OLIG2: variants seen among roughly 807,000 people sequenced by gnomAD.
The protein encoded by OLIG2 is oligodendrocyte transcription factor 2.
A neutral mutation model predicts 13.4 loss-of-function variants in OLIG2; 12 were observed. The observed-to-expected ratio is 0.90, with a 90% CI of 0.58 to 1.46. The LOEUF (loss-of-function observed/expected upper bound fraction) is 1.46, where lower values mean the gene tolerates loss of function less well. Ranked by LOEUF, OLIG2 falls within the 40% of genes most tolerant of loss-of-function variation. OLIG2 has a pLI of 0.00. For missense variants in OLIG2, 415 were observed against 487.9 expected (o/e 0.85, Z 1.41); for synonymous variants, 250 against 233.6 (o/e 1.07, Z -0.64).
Position 33,026,651 on chromosome 21 carries a change from G to C in OLIG2, c.-62-150G>C. On this transcript the variant is annotated intron_variant, in intron 1 of 1. Coordinates refer to ENST00000382357, the MANE Select transcript of OLIG2 (RefSeq NM_005806.4). The surrounding 1 kb of genome is among the most constrained non-coding windows in gnomAD (Gnocchi z 6.6). ...GGCCAGAGATAGTAGCGAGGGGGACGAGGAGCCACGGGCCACCTGTGCCGG... is the reference window on the plus strand; with the variant it reads ...GGCCAGAGATAGTAGCGAGGGGGACCAGGAGCCACGGGCCACCTGTGCCGG... The C allele has an allele frequency of 1.6e-6, 1 of 611,812 alleles. No individual in the cohort carries two copies. The highest frequency in any genetic ancestry group is 1.9e-5 in the African/African-American group (1 of 53,992). 37.9% of individuals were successfully genotyped at this position (611,812 alleles called of 1,614,324 possible).
chr21:33,027,233 T>G lies in OLIG2; in HGVS notation c.371T>G (p.Leu124Arg), dbSNP rs764687311. 1 of 1,610,780 alleles carries G rather than the reference T, an allele frequency of 6.2e-7. No individual in the cohort carries two copies. The highest frequency in any genetic ancestry group is 1.7e-5 in the Admixed American group (1 of 59,724). Reference sequence around the variant, plus strand: ...CGCGAGCGCAAGCGCATGCACGACCTCAACATCGCCATGGATGGCCTCCGC... The same window carrying G: ...CGCGAGCGCAAGCGCATGCACGACCGCAACATCGCCATGGATGGCCTCCGC... ...NSRERKRMHD[L>R]NIAMDGLREV... The change falls in exon 2 of 2, where the codon CTC becomes CGC. Residue 124 changes from leucine to arginine, a missense_variant. Around this residue, in one of 3 missense-constraint regions of OLIG2, gnomAD observed 50 missense variants for 119.9 expected, o/e 0.42. Coordinates refer to ENST00000382357, the MANE Select transcript of OLIG2 (RefSeq NM_005806.4).
rs777162613 is a variant in OLIG2, at chr21:33,027,450, G to A, written c.588G>A (p.Ala196=). 1.0e-5 allele frequency: 15 copies of A among 1,495,866 alleles called. No homozygotes were observed. Among genetic ancestry groups the A allele is most frequent in the African/African-American group, 2.9e-5 (2 of 69,070 alleles). The allele number at this position is 1,495,866 out of a possible 1,614,324, so 92.7% of individuals were successfully genotyped here. The change falls in exon 2 of 2, where the codon GCG becomes GCA. Residue 196 remains alanine (A), a synonymous_variant. Coordinates refer to ENST00000382357, the MANE Select transcript of OLIG2 (RefSeq NM_005806.4). ...PSACGGLAHS[A]PLPAATAHPA... ...CCTGCGGCGGCCTGGCGCACTCCGC[G>A]CCCCTGCCCGCCGCCACCGCGCACC...
At position 33,026,935 on chromosome 21, in the gene OLIG2, CG is replaced by C; in HGVS notation, c.75del (p.Ser26ValfsTer26). The C allele has an allele frequency of 1.2e-6, 2 of 1,612,424 alleles. No individual in the cohort carries two copies. The highest frequency in any genetic ancestry group is 1.7e-6 in the Non-Finnish European group (2 of 1,179,958). Reference sequence around the variant, plus strand: ...GCCCGATGACCTTTTTCTGCCGGCCCGGAGTAAGGGCAGCAGCGGCAGCGCC... The same window carrying C: ...GCCCGATGACCTTTTTCTGCCGGCCCGAGTAAGGGCAGCAGCGGCAGCGCC... ...PEPDDLFLPA[R>X]SKGSSGSAFT... On this transcript the variant is annotated frameshift_variant, in exon 2 of 2. Transcript: ENST00000382357. LOFTEE classifies it high-confidence loss of function. This position sits in a 1 kb window ranked among gnomAD's most constrained non-coding sequence, Gnocchi z 6.6.
At position 33,027,893 on chromosome 21, in the gene OLIG2, G is replaced by T. The variant is rs758090642; in HGVS notation, c.*59G>T. The T allele has an allele frequency of 1.6e-3, 2,215 of 1,344,886 alleles. 4 individuals carry two copies. The highest frequency in any genetic ancestry group is 1.9e-3 in the Non-Finnish European group (1,988 of 1,051,204). The allele number at this position is 1,344,886 out of a possible 1,614,324, so 83.3% of individuals were successfully genotyped here. ...GAGCCAGGGGCCGCGGGGAAGCGAG[G>T]ACTGGCCTGCGCTGGGCTCGGGAGC... On this transcript the variant is annotated 3_prime_UTR_variant, in exon 2 of 2. Coordinates refer to ENST00000382357, the MANE Select transcript of OLIG2 (RefSeq NM_005806.4).
rs560231654 is a variant in OLIG2, at chr21:33,028,965, C to A, written c.*1131C>A. 8.2e-6 allele frequency: 2 copies of A among 242,790 alleles called. No individual in the cohort carries two copies. The highest frequency in any genetic ancestry group is 5.7e-5 in the Admixed American group (1 of 17,568). 15.0% of individuals were successfully genotyped at this position (242,790 alleles called of 1,614,324 possible). On this transcript the variant is annotated 3_prime_UTR_variant, in exon 2 of 2. Transcript: ENST00000382357. ...TTAACACAAATGGTAAACTCCTCCA[C>A]GTGCTTCCTGCGTTCCGTGCAAGCC... is the stretch of plus-strand genomic sequence containing the variant.
At position 33,027,256 on chromosome 21, in the gene OLIG2, C is replaced by A. The variant is rs750642270; in HGVS notation, c.394C>A (p.Arg132Ser). The change falls in exon 2 of 2, where the codon CGC (arginine) becomes AGC (serine). Residue 132 changes from arginine (R) to serine (S), a missense_variant. Physicochemically the swap from Arg to Ser is moderately radical, Grantham distance 110. Coordinates refer to ENST00000382357, the MANE Select transcript of OLIG2 (RefSeq NM_005806.4). ...CCTCAACATCGCCATGGATGGCCTC[C>A]GCGAGGTCATGCCGTACGCACACGG... The part of the protein sequence containing the change: ...HDLNIAMDGL[R>S]EVMPYAHGPS... 13 of 1,610,174 alleles carry A rather than the reference C, an allele frequency of 8.1e-6. No homozygotes were observed. Among genetic ancestry groups the A allele is most frequent in the Non-Finnish European group, 1.0e-5 (12 of 1,178,704 alleles).
Position 33,028,327 on chromosome 21 carries a change from A to G in OLIG2, c.*493A>G, listed in dbSNP as rs1264005602. ...CGGGTGGGAGACTCCGGGTAGCCGC[A>G]CTGCAGAAGCAACAGCCCGACCGCG... On this transcript the variant is annotated 3_prime_UTR_variant, in exon 2 of 2. Transcript: ENST00000382357. 2 of 242,462 alleles carry G rather than the reference A, an allele frequency of 8.2e-6. No homozygotes were observed. Among genetic ancestry groups the G allele is most frequent in the Non-Finnish European group, 8.7e-6 (1 of 115,066 alleles). The allele number at this position is 242,462 out of a possible 1,614,324, so 15.0% of individuals were successfully genotyped here.
chr21:33,028,256 G>C lies in OLIG2; in HGVS notation c.*422G>C, dbSNP rs1001314209. 1.2e-5 allele frequency: 3 copies of C among 245,710 alleles called. No individual in the cohort carries two copies. Among genetic ancestry groups the C allele is most frequent in the Admixed American group, 5.6e-5 (1 of 17,784 alleles). 15.2% of individuals were successfully genotyped at this position (245,710 alleles called of 1,614,324 possible). A position where few individuals can be genotyped will look rare whatever the true frequency, so the allele number is the denominator to read the frequency against. On this transcript the variant is annotated 3_prime_UTR_variant, in exon 2 of 2. Coordinates refer to ENST00000382357, the MANE Select transcript of OLIG2 (RefSeq NM_005806.4). ...ACTTCGGGGGGGGAGGGGGTGTTAT[G>C]GGAGGGGGACACATTGGGGCCTTGC...
rs1405870022 is a variant in OLIG2 at position 33,027,346 on chromosome 21, C to G, written c.484C>G (p.Leu162Val). ...LLLARNYILM[L>V]TNSLEEMKRL... Reference sequence around the variant, plus strand: ...GCTGGCGCGCAACTACATCCTCATGCTCACCAACTCGCTGGAGGAGATGAA... The same window carrying G: ...GCTGGCGCGCAACTACATCCTCATGGTCACCAACTCGCTGGAGGAGATGAA... The change falls in exon 2 of 2, where the codon CTC (leucine) becomes GTC (valine). Residue 162 changes from leucine (L) to valine (V), a missense_variant. Physicochemically the swap from Leu to Val is conservative, Grantham distance 32. Transcript: ENST00000382357. 2 of 1,568,230 alleles carry G rather than the reference C, an allele frequency of 1.3e-6. No individual in the cohort carries two copies. The highest frequency in any genetic ancestry group is 2.7e-5 in the African/African-American group (2 of 73,736).
Position 33,028,251 on chromosome 21 carries a change from G to A in OLIG2, c.*417G>A, listed in dbSNP as rs1601714042. On this transcript the variant is annotated 3_prime_UTR_variant, in exon 2 of 2. Transcript: ENST00000382357. ...GCAGCACTTCGGGGGGGGAGGGGGT[G>A]TTATGGGAGGGGGACACATTGGGGC... 4.1e-6 allele frequency: 1 copy of A among 245,606 alleles called. No individual in the cohort carries two copies. The allele number at this position is 245,606 out of a possible 1,614,324, so 15.2% of individuals were successfully genotyped here. A position where few individuals can be genotyped will look rare whatever the true frequency, so the allele number is the denominator to read the frequency against.
chr21:33,027,735 G>A lies in OLIG2; in HGVS notation c.873G>A (p.Met291Ile). Reference sequence around the variant, plus strand: ...GGGGCTTCCAGCACTGGGGCGGCATGCCCTGCCCCTGCAGCATGTGCCAGG... The same window carrying A: ...GGGGCTTCCAGCACTGGGGCGGCATACCCTGCCCCTGCAGCATGTGCCAGG... ...ASGGFQHWGG[M>I]PCPCSMCQVP... Residue 291 changes from methionine (M) to isoleucine (I), a missense_variant, in exon 2 of 2, where the codon ATG (methionine) becomes ATA (isoleucine). Around this residue, in one of 3 missense-constraint regions of OLIG2, gnomAD observed 243 missense variants for 241.2 expected, o/e 1.01. Transcript: ENST00000382357. 2.2e-6 allele frequency: 3 copies of A among 1,377,110 alleles called. No individual in the cohort carries two copies. The highest frequency in any genetic ancestry group is 2.8e-6 in the Non-Finnish European group (3 of 1,072,546). 85.3% of individuals were successfully genotyped at this position (1,377,110 alleles called of 1,614,324 possible). A position where few individuals can be genotyped will look rare whatever the true frequency, so the allele number is the denominator to read the frequency against.
rs1308953378 is a variant in OLIG2 at position 33,028,113 on chromosome 21, C to T, written c.*279C>T. 1.3e-5 allele frequency: 5 copies of T among 380,444 alleles called. No homozygotes were observed. The East Asian group carries it at 1.6e-4, about 12-fold the overall frequency. 23.6% of individuals were successfully genotyped at this position (380,444 alleles called of 1,614,324 possible). A position where few individuals can be genotyped will look rare whatever the true frequency, so the allele number is the denominator to read the frequency against. Reference sequence around the variant, plus strand: ...TAGACATCGTTTTATGAAAAGGTACCGCTGTGTGCATTCCTCACTAGAACT... The same window carrying T: ...TAGACATCGTTTTATGAAAAGGTACTGCTGTGTGCATTCCTCACTAGAACT... On this transcript the variant is annotated 3_prime_UTR_variant, in exon 2 of 2. Coordinates refer to ENST00000382357, the MANE Select transcript of OLIG2 (RefSeq NM_005806.4).
Position 33,027,637 on chromosome 21 carries a change from G to A in OLIG2, c.775G>A (p.Gly259Ser). Residue 259 changes from glycine to serine, a missense_variant, in exon 2 of 2, where the codon GGC becomes AGC. Transcript: ENST00000382357. The part of the protein sequence containing the change: ...PSVGSIRPPH[G>S]LLKSPSAAAA... ...GGTCGGCTCCATCCGTCCACCGCAC[G>A]GCCTACTCAAGTCTCCGTCTGCTGC... The A allele has an allele frequency of 2.1e-6, 3 of 1,459,556 alleles. No individual in the cohort carries two copies. The highest frequency in any genetic ancestry group is 2.6e-5 in the South Asian group (2 of 75,760). The allele number at this position is 1,459,556 out of a possible 1,614,324, so 90.4% of individuals were successfully genotyped here.
In OLIG2 at chr21:33,027,608, C is replaced by G. The variant is rs970414156; in HGVS notation, c.746C>G (p.Pro249Arg). Residue 249 changes from proline (P) to arginine (R), a missense_variant, in exon 2 of 2, where the codon CCG becomes CGG. Transcript: ENST00000382357. ...GCCTCTCTGCCCGGATCCGGGCTGC[C>G]GTCGGTCGGCTCCATCCGTCCACCG... Reference protein sequence around the residue: ...SSASLPGSGLPSVGSIRPPHG... With the variant: ...SSASLPGSGLRSVGSIRPPHG... 8 of 1,476,956 alleles carry G rather than the reference C, an allele frequency of 5.4e-6. No individual in the cohort carries two copies. The highest frequency in any genetic ancestry group is 7.1e-6 in the Non-Finnish European group (8 of 1,119,992). The allele number at this position is 1,476,956 out of a possible 1,614,324, so 91.5% of individuals were successfully genotyped here.
At position 33,026,552 on chromosome 21, in the gene OLIG2, A is replaced by G. The variant is rs560389836; in HGVS notation, c.-62-249A>G. On this transcript the variant is annotated intron_variant, in intron 1 of 1. Transcript: ENST00000382357. This position sits in a 1 kb window ranked among gnomAD's most constrained non-coding sequence, Gnocchi z 6.6. ...CCGAGGGTCACCAACGCTCCCTGAA[A>G]TAACCTGTTGCATGAGAGCAGAGGG... The G allele has an allele frequency of 8.1e-5, 31 of 381,726 alleles. No homozygotes were observed. The South Asian group carries it at 9.8e-4, about 12-fold the overall frequency. The allele number at this position is 381,726 out of a possible 1,614,324, so 23.6% of individuals were successfully genotyped here.
Position 33,028,503 on chromosome 21 carries a change from C to T in OLIG2, c.*669C>T, listed in dbSNP as rs967071078. 5.4e-5 allele frequency: 13 copies of T among 239,966 alleles called. No individual in the cohort carries two copies. Among genetic ancestry groups the T allele is most frequent in the Non-Finnish European group, 1.1e-4 (12 of 113,076 alleles). The allele number at this position is 239,966 out of a possible 1,614,324, so 14.9% of individuals were successfully genotyped here. ...ACTGTGGCCGTTCCTCCCTGTCTCT[C>T]GTTGATTTGGGAGAATATGGTTTTC... On this transcript the variant is annotated 3_prime_UTR_variant, in exon 2 of 2. Coordinates refer to ENST00000382357, the MANE Select transcript of OLIG2 (RefSeq NM_005806.4).
chr21:33,026,984 C>A lies in OLIG2; in HGVS notation c.122C>A (p.Ser41Ter). The change falls in exon 2 of 2, where the codon TCG becomes TAG. Residue 41 changes from serine to a stop codon, truncating the protein, a stop_gained. Coordinates refer to ENST00000382357, the MANE Select transcript of OLIG2 (RefSeq NM_005806.4). LOFTEE classifies it high-confidence loss of function. This position sits in a 1 kb window ranked among gnomAD's most constrained non-coding sequence, Gnocchi z 6.6. Reference protein sequence around the residue: ...GSAFTGGTVSSSTPSDCPPEL... With the variant: ...GSAFTGGTVS The stretch of plus-strand genomic sequence containing the variant: ...GCCTTCACTGGGGGCACCGTGTCCT[C>A]GTCCACCCCGAGTGACTGCCCGCCG... The A allele has an allele frequency of 6.2e-7, 1 of 1,612,448 alleles. No individual in the cohort carries two copies.
chr21:33,027,848 G>T lies in OLIG2; in HGVS notation c.*14G>T, dbSNP rs544803425. The stretch of plus-strand genomic sequence containing the variant: ...GACGCCAAGTGAGCCGACTGGCGCC[G>T]GCGCGTTCTGGCGACAGGGGAGCCA... On this transcript the variant is annotated 3_prime_UTR_variant, in exon 2 of 2. Transcript: ENST00000382357. 86 of 1,373,132 alleles carry T rather than the reference G, an allele frequency of 6.3e-5. No individual in the cohort carries two copies. The South Asian group carries it at 1.1e-3, about 18-fold the overall frequency. 85.1% of individuals were successfully genotyped at this position (1,373,132 alleles called of 1,614,324 possible).
chr21:33,026,815 G>C lies in OLIG2; in HGVS notation c.-48G>C. On this transcript the variant is annotated 5_prime_UTR_variant, in exon 2 of 2. Coordinates refer to ENST00000382357, the MANE Select transcript of OLIG2 (RefSeq NM_005806.4). The surrounding 1 kb of genome is among the most constrained non-coding windows in gnomAD (Gnocchi z 6.6). ...TCTCCTGGAAGTTTTCGGGTCCGAG[G>C]GAAGGAGGACCCTGCGAAAGCTGCG... 1 of 1,592,208 alleles carries C rather than the reference G, an allele frequency of 6.3e-7. No individual in the cohort carries two copies. The highest frequency in any genetic ancestry group is 8.5e-7 in the Non-Finnish European group (1 of 1,173,446).
Sources: gnomAD v4.1 joint callset for allele counts on GRCh38, gnomAD v4.1.1 for gene constraint, gnomAD v4.1.1 regional missense constraint, Gnocchi (gnomAD v3.1) non-coding constraint, MANE v1.5 for transcripts, NCBI Gene and HGNC (gene_info 2026-07-23, HGNC 2026-07-21) for gene names.